ARMH3: variants seen among roughly 807,000 people sequenced by gnomAD.
ARMH3 encodes armadillo like helical domain containing 3, also known as armadillo-like helical domain-containing protein 3.
Under a neutral mutation model 99.1 loss-of-function variants are expected in ARMH3, and 60 were observed. The ratio of observed to expected loss-of-function variants is 0.61; its 90% CI spans 0.49 to 0.75. The LOEUF is 0.75. Among genes scored for constraint, ARMH3 ranks in the 30% least tolerant of loss-of-function variants. The pLI is 0.00. For synonymous variants in ARMH3, 285 were observed against 292.8 expected, an observed-to-expected ratio of 0.97 and a Z score of 0.27; for missense variants, 679 against 843.1, an observed-to-expected ratio of 0.81 and a Z score of 2.41.
chr10:101,997,319 C>T (rs1166259160), intron 15 of ARMH3, among the ~76,000 whole-genome samples: 6 of 151,816 alleles, frequency 4.0e-5, no homozygotes, highest in Admixed American at 2.6e-4. Context: ...CTGGGCCACG[C>T]GTGGTGGCTC....
chr10:101,999,309 A>G (rs2066293297), intron 15 of ARMH3, among the ~76,000 whole-genome samples: 1 of 151,972 alleles, frequency 6.6e-6, no homozygotes, highest in African/African-American at 2.4e-5. Flanking sequence ...CTTATGCCTC[A>G]GCCTCCCAAG....
At chr10:101,980,518 C>T (rs1044341145) in intron 19 of ARMH3, among the ~76,000 whole-genome samples, 2 of 152,102 alleles carry the variant, frequency 1.3e-5, no homozygotes, top group Admixed American at 1.3e-4. Flanking sequence ...AGGCTGGTCT[C>T]AAACTCCCAA....
intron 7 of ARMH3, 30 bp from the exon 8 acceptor site, chr10:102,023,593 T>C (rs1233657552): frequency 1.2e-6 from 2 of 1,610,198 alleles, no homozygotes; most frequent in Non-Finnish European, 8.5e-7. Flanking sequence ...TGCATGAGAC[T>C]GCTAACTCCT....
intron 22 of ARMH3, among the ~76,000 whole-genome samples, chr10:101,956,108 T>C (rs1486343723): frequency 1.3e-5 from 2 of 152,188 alleles, no homozygotes; most frequent in African/African-American, 4.8e-5. Flanking sequence ...AGCTTGAGAG[T>C]ACATTTTCAG....
chr10:101,892,946 C>T (rs1259277460), intron 23 of ARMH3, among the ~76,000 whole-genome samples: 1 of 152,182 alleles, frequency 6.6e-6, no homozygotes, highest in East Asian at 1.9e-4. Context: ...ATAATATCTG[C>T]AAGTTAAGGC....
chr10:102,029,795 T>C (rs754663148), intron 4 of ARMH3, 50 bp from the exon 5 acceptor site: 3 of 1,551,938 alleles, frequency 1.9e-6, no homozygotes, highest in East Asian at 2.3e-5. Flanking sequence ...TCTCAGGGTC[T>C]GTAGACCCAC....
chr10:101,960,992 G>A (rs1252009698), intron 20 of ARMH3, among the ~76,000 whole-genome samples: 1 of 152,028 alleles, frequency 6.6e-6, no homozygotes, highest in Non-Finnish European at 1.5e-5. Flanking sequence ...GCTTAGATCT[G>A]CTGACTATAC....
chr10:102,012,979 T>C (rs2066665308), intron 9 of ARMH3, 103 bp from the exon 10 acceptor site: 1 of 991,856 alleles, frequency 1.0e-6, no homozygotes, highest in Non-Finnish European at 1.4e-6. Context: ...GCCCAAGAAG[T>C]CCTGCCTGAA....
chr10:101,864,106 CAA>C (rs1429050897), intron 24 of ARMH3, among the ~76,000 whole-genome samples: 1 of 143,424 alleles, frequency 7.0e-6, no homozygotes, highest in African/African-American at 2.6e-5. Flanking sequence ...CACACACACA[CAA>C]AAACCAGACA....
chr10:101,898,166 C>T (rs1404688984), intron 23 of ARMH3, among the ~76,000 whole-genome samples: 1 of 151,464 alleles, frequency 6.6e-6, no homozygotes, highest in Non-Finnish European at 1.5e-5. Context: ...AAGTGCTTAG[C>T]TCAGGAGCAC....
At chr10:101,989,955 T>A (rs1846700325) in intron 19 of ARMH3, among the ~76,000 whole-genome samples, 1 of 152,170 alleles carries the variant, frequency 6.6e-6, no homozygotes, top group Non-Finnish European at 1.5e-5. Flanking sequence ...GTATTGCATA[T>A]CTTTGATTAC....
At chr10:101,849,510 C>A (rs892805936) in intron 25 of ARMH3, among the ~76,000 whole-genome samples, 2 of 152,228 alleles carry the variant, frequency 1.3e-5, no homozygotes, top group Admixed American at 6.5e-5. Context: ...TGAGCCAGAT[C>A]TGCTGCTGGG....
chr10:101,893,994 A>G (rs2067757229), intron 23 of ARMH3, among the ~76,000 whole-genome samples: 1 of 152,132 alleles, frequency 6.6e-6, no homozygotes, highest in Non-Finnish European at 1.5e-5. Context: ...CCCTGTGACA[A>G]TCTCATCTCA....
At chr10:101,878,612 C>A (rs1355447774) in intron 24 of ARMH3, among the ~76,000 whole-genome samples, 1 of 151,304 alleles carries the variant, frequency 6.6e-6, no homozygotes, top group African/African-American at 2.4e-5. Context: ...GCACTCCAGC[C>A]TGGGTGACTG....
At chr10:101,914,858 C>A (rs556280555) in intron 23 of ARMH3, among the ~76,000 whole-genome samples, 2 of 119,220 alleles carry the variant, frequency 1.7e-5, no homozygotes, top group African/African-American at 6.1e-5. Flanking sequence ...CAGTGAAAAT[C>A]CATCTCAAAA....
chr10:101,853,790 C>T (rs1447928769), intron 24 of ARMH3, among the ~76,000 whole-genome samples: 1 of 152,142 alleles, frequency 6.6e-6, no homozygotes, highest in Non-Finnish European at 1.5e-5. Context: ...AGGAGACAGA[C>T]ACTTGGGTCT....
intron 21 of ARMH3, 90 bp from the exon 22 acceptor site, chr10:101,956,813 T>C (rs925612212): frequency 7.6e-7 from 1 of 1,309,752 alleles, no homozygotes; most frequent in Non-Finnish European, 1.0e-6. Context: ...CTTACTGTCT[T>C]GCAAGAGTTG....
At position 102,024,429 on chromosome 10, in the gene ARMH3, C is replaced by T. The variant is rs148464938; in HGVS notation, c.508-680G>A. Reference sequence around the variant, plus strand: ...ATGCCATTGCACTCTCCAGCCTAGGCGACAGAGCAAGACTCCACCTTGAAA... The same window carrying T: ...ATGCCATTGCACTCTCCAGCCTAGGTGACAGAGCAAGACTCCACCTTGAAA... On this transcript the variant is annotated intron_variant, in intron 6 of 25. Coordinates refer to ENST00000370033, the MANE Select transcript of ARMH3 (RefSeq NM_024541.3). Among the ~76,000 whole-genome samples the T allele has an allele frequency of 1.0e-3, 159 of 151,432 alleles. 1 individual carries two copies. Among genetic ancestry groups the T allele is most frequent in the African/African-American group, 3.7e-3 (153 of 41,250 alleles).
intron 20 of ARMH3, among the ~76,000 whole-genome samples, chr10:101,963,866 C>T (rs1373898649): frequency 1.3e-5 from 2 of 149,142 alleles, no homozygotes; most frequent in African/African-American, 5.0e-5. Flanking sequence ...AGTAGGGGTT[C>T]TCTTTTTCTT....
Sources: gnomAD v4.1 joint callset for allele counts (sites outside exome capture counted in the v4.1 genomes callset) on GRCh38, gnomAD v4.1.1 for gene constraint, MANE v1.5 for transcripts, NCBI Gene and HGNC (gene_info 2026-07-23, HGNC 2026-07-21) for gene names.